The following IKBKE variants were observed in gnomAD, a reference collection of about 807,000 sequenced individuals.
IKBKE encodes inhibitor of nuclear factor kappa B kinase subunit epsilon.
A neutral mutation model predicts 92.1 loss-of-function variants in IKBKE; 45 were observed. That is an observed-to-expected ratio of 0.49 (90% CI 0.38 to 0.63). The LOEUF (loss-of-function observed/expected upper bound fraction) is 0.63, where lower values mean the gene tolerates loss of function less well. Ranked by LOEUF, IKBKE falls within the 20% of genes least tolerant of loss-of-function variation. The pLI is 0.00. For missense variants in IKBKE, 700 were observed against 932.8 expected (o/e 0.75, Z 3.25); for synonymous variants, 374 against 380.3 (o/e 0.98, Z 0.19).
chr1:206,496,059 T>C (rs556098405), intron 21 of IKBKE, 53 bp from the exon 22 acceptor site: 3 of 1,450,512 alleles, frequency 2.1e-6, no homozygotes, highest in African/African-American at 2.8e-5. Context: ...TGGAGTGTGG[T>C]CTGCAGGCCT....
intron 13 of IKBKE, among the ~76,000 whole-genome samples, chr1:206,482,862 G>A (rs1422825763): frequency 1.3e-5 from 2 of 152,232 alleles, no homozygotes; most frequent in African/African-American, 4.8e-5. Context: ...CACCCGCAGT[G>A]GAACCAGGTA....
rs559622854 is a variant in IKBKE at position 206,475,061 on chromosome 1, G to T, written c.358+67G>T. Reference sequence around the variant, plus strand: ...GCAGGCCTGGGACAGATGCTGACAGGACTCAGGTGTCTGACTCCTGCTAAT... The same window carrying T: ...GCAGGCCTGGGACAGATGCTGACAGTACTCAGGTGTCTGACTCCTGCTAAT... On this transcript the variant is annotated intron_variant, in intron 5 of 21. Transcript: ENST00000581977. 3.4e-5 allele frequency: 52 copies of T among 1,537,746 alleles called. No individual in the cohort carries two copies. The East Asian group carries it at 1.1e-3, about 32-fold the overall frequency.
intron 2 of IKBKE, chr1:206,472,869 T>G: frequency 6.4e-6 from 2 of 310,104 alleles, no homozygotes; most frequent in East Asian, 1.2e-4. Context: ...TGGGGAGAGG[T>G]GGTAGAGACA....
Position 206,493,056 on chromosome 1 carries a change from G to C in IKBKE, c.1869G>C (p.Leu623=). The C allele has an allele frequency of 2.5e-6, 4 of 1,586,028 alleles. No individual in the cohort carries two copies. Among genetic ancestry groups the C allele is most frequent in the African/African-American group, 1.3e-5 (1 of 74,572 alleles). Residue 623 remains leucine, a synonymous_variant, in exon 19 of 22, where the codon CTG becomes CTC. Coordinates refer to ENST00000581977, the MANE Select transcript of IKBKE (RefSeq NM_014002.4). ...VVHETRNHLR[L]VGCSVAACNT... ...ACGAGACCAGGAACCACCTGCGCCT[G>C]GTTGGCTGTTCTGTGGCTGCCTGTA...
Position 206,493,332 on chromosome 1 carries a change from C to G in IKBKE, c.1999C>G (p.Pro667Ala). 6.2e-7 allele frequency: 1 copy of G among 1,614,144 alleles called. No individual in the cohort carries two copies. The highest frequency in any genetic ancestry group is 8.5e-7 in the Non-Finnish European group (1 of 1,180,022). The change falls in exon 20 of 22, where the codon CCC (proline) becomes GCC (alanine). Residue 667 changes from proline (P) to alanine (A), a missense_variant. Coordinates refer to ENST00000581977, the MANE Select transcript of IKBKE (RefSeq NM_014002.4). ...RAKGAQASPP[P>A]IAPYPSPTRK... Reference sequence around the variant, plus strand: ...AAAGGGGGCTCAGGCCTCGCCGCCTCCCATAGCTCCTTACCCCAGCCCTAC... The same window carrying G: ...AAAGGGGGCTCAGGCCTCGCCGCCTGCCATAGCTCCTTACCCCAGCCCTAC...
At chr1:206,481,766 C>CTGTTT (rs1665405728) in intron 13 of IKBKE, among the ~76,000 whole-genome samples, 1 of 46,538 alleles carries the variant, frequency 2.1e-5, no homozygotes, top group African/African-American at 9.2e-5. Context: ...AAGGATGAGG[C>CTGTTT]TTTTTTTTTT....
At chr1:206,471,943 G>A (rs1470976338) in intron 2 of IKBKE, among the ~76,000 whole-genome samples, 19 of 152,306 alleles carry the variant, frequency 1.2e-4, no homozygotes, top group African/African-American at 4.3e-4. Context: ...CTAGTCTAGC[G>A]TTATTTAAAA....
intron 16 of IKBKE, among the ~76,000 whole-genome samples, chr1:206,489,304 C>G (rs2103479393): frequency 6.9e-6 from 1 of 145,736 alleles, no homozygotes; most frequent in African/African-American, 2.5e-5. Context: ...ACATTTATAA[C>G]ACATCTCTAT....
chr1:206,491,702 C>T lies in IKBKE; in HGVS notation c.1788C>T (p.Cys596=), dbSNP rs782410303. 2.3e-5 allele frequency: 37 copies of T among 1,613,394 alleles called. No homozygotes were observed. The highest frequency in any genetic ancestry group is 1.5e-4 in the Admixed American group (9 of 59,980). Residue 596 remains cysteine (C), a synonymous_variant, in exon 18 of 22, where the codon TGC becomes TGT. Coordinates refer to ENST00000581977, the MANE Select transcript of IKBKE (RefSeq NM_014002.4). The stretch of plus-strand genomic sequence containing the variant: ...TCCTGCAGGTGTTCCAGGAGGAGTG[C>T]GTGCAGAAGTATCAAGCGTCCTTAG... ...KRLLQVFQEE[C]VQKYQASLVT...
Position 206,493,105 on chromosome 1 carries a change from G to A in IKBKE, c.1918G>A (p.Glu640Lys), listed in dbSNP as rs1553391067. The change falls in exon 19 of 22, where the codon GAG (glutamate) becomes AAG (lysine). Residue 640 changes from glutamate (E) to lysine (K), a missense_variant. Coordinates refer to ENST00000581977, the MANE Select transcript of IKBKE (RefSeq NM_014002.4). The part of the protein sequence containing the change: ...ACNTEAQGVQ[E>K]SLSKLLEELS... ...TAACACAGAAGCCCAGGGGGTCCAG[G>A]AGAGTCTCAGCAAGGTGGGCATGGC... 6.3e-7 allele frequency: 1 copy of A among 1,591,924 alleles called. No individual in the cohort carries two copies. The highest frequency in any genetic ancestry group is 8.5e-7 in the Non-Finnish European group (1 of 1,170,346).
At chr1:206,479,789 G>A in intron 10 of IKBKE, 81 bp from the exon 11 acceptor site, 1 of 1,395,368 alleles carries the variant, frequency 7.2e-7, no homozygotes, top group East Asian at 2.4e-5. Context: ...AGTGAGGGGT[G>A]AGTGTGAGCT....
chr1:206,488,129 GC>G (rs1665763202), intron 16 of IKBKE, 139 bp downstream of exon 16: 1 of 669,214 alleles, frequency 1.5e-6, no homozygotes, highest in Non-Finnish European at 2.7e-6. Context: ...GTTCTTGGAG[GC>G]CCACTAAGCG....
intron 21 of IKBKE, 64 bp from the exon 22 acceptor site, chr1:206,496,048 C>T: frequency 3.9e-6 from 5 of 1,292,580 alleles, no homozygotes; most frequent in Non-Finnish European, 5.6e-6. Flanking sequence ...GTGCTGGGCC[C>T]TGGAGTGTGG....
At chr1:206,481,006 T>G (rs1361406516) in intron 13 of IKBKE, among the ~76,000 whole-genome samples, 1 of 152,116 alleles carries the variant, frequency 6.6e-6, no homozygotes, top group Non-Finnish European at 1.5e-5. Flanking sequence ...CTTGCCTTCC[T>G]TGGGTTCCCT....
chr1:206,482,757 C>T (rs1482725438), intron 13 of IKBKE, among the ~76,000 whole-genome samples: 1 of 152,250 alleles, frequency 6.6e-6, no homozygotes, highest in Non-Finnish European at 1.5e-5. Context: ...GTTGCATGAT[C>T]TCTGCGGCCT....
rs2103462718 is a variant in IKBKE at position 206,479,912 on chromosome 1, A to G, written c.1226A>G (p.Gln409Arg). ...AAGTTCGTCCCCAAAGTGGACCTGC[A>G]GGCGGATTACAACACTGCCAAGGTG... Reference protein sequence around the residue: ...VPKFVPKVDLQADYNTAKGVL... With the variant: ...VPKFVPKVDLRADYNTAKGVL... The change falls in exon 11 of 22, where the codon CAG becomes CGG. Residue 409 changes from glutamine (Q) to arginine (R), a missense_variant. By Grantham distance (43) the Gln-to-Arg change is conservative. Transcript: ENST00000581977. 6.2e-7 allele frequency: 1 copy of G among 1,613,886 alleles called. No individual in the cohort carries two copies. The highest frequency in any genetic ancestry group is 8.5e-7 in the Non-Finnish European group (1 of 1,179,960).
In IKBKE at chr1:206,476,412, C is replaced by T; in HGVS notation, c.540+50C>T. The T allele has an allele frequency of 6.5e-7, 1 of 1,548,734 alleles. No homozygotes were observed. The highest frequency in any genetic ancestry group is 8.8e-7 in the Non-Finnish European group (1 of 1,137,596). On this transcript the variant is annotated intron_variant, in intron 6 of 21. Transcript: ENST00000581977. The surrounding 1 kb of genome is among the most constrained non-coding windows in gnomAD (Gnocchi z 5.1). Reference sequence around the variant, plus strand: ...TGCCCTATGCTGAGGGCTCCCCTTGCCTTGTGAGCCCCCCAGAGCCCCCAT... The same window carrying T: ...TGCCCTATGCTGAGGGCTCCCCTTGTCTTGTGAGCCCCCCAGAGCCCCCAT...
chr1:206,495,027 T>C (rs41299888), intron 21 of IKBKE, among the ~76,000 whole-genome samples: 7,659 of 144,988 alleles, frequency 0.053, 468 homozygotes, highest in African/African-American at 0.15. Context: ...CTAGTAACCC[T>C]ACTTTATAAA....
Position 206,478,436 on chromosome 1 carries a change from T to A in IKBKE, c.992+97T>A. ...ATCTCCCACAGTACGTTCTGAGGAG[T>A]GTGTACATAGGAACGCTTCCAGGTC... On this transcript the variant is annotated intron_variant, in intron 9 of 21. Coordinates refer to ENST00000581977, the MANE Select transcript of IKBKE (RefSeq NM_014002.4). This position sits in a 1 kb window ranked among gnomAD's most constrained non-coding sequence, Gnocchi z 4.8. 1.6e-6 allele frequency: 2 copies of A among 1,255,324 alleles called. No individual in the cohort carries two copies. The highest frequency in any genetic ancestry group is 2.3e-6 in the Non-Finnish European group (2 of 879,266). 77.8% of individuals were successfully genotyped at this position (1,255,324 alleles called of 1,614,324 possible). A position where few individuals can be genotyped will look rare whatever the true frequency, so the allele number is the denominator to read the frequency against.
Sources: allele counts gnomAD v4.1 joint callset (sites outside exome capture counted in the v4.1 genomes callset), GRCh38; gene constraint gnomAD v4.1.1; non-coding constraint Gnocchi (gnomAD v3.1); transcripts MANE v1.5; gene names NCBI Gene and HGNC (gene_info 2026-07-23, HGNC 2026-07-21).